Variants in GBF1 observed in about 807,000 individuals in gnomAD.
The protein encoded by GBF1 is Golgi-specific brefeldin A-resistance guanine nucleotide exchange factor 1.
In GBF1, 114 loss-of-function variants were observed where a neutral mutation model predicts 210.5. The observed-to-expected ratio is 0.54, with a 90% CI of 0.47 to 0.63. The LOEUF is 0.63. GBF1 is among the 30% of genes least tolerant of loss of function. The pLI, the probability that GBF1 is intolerant of heterozygous loss-of-function variation, is 0.00. For synonymous variants in GBF1, 850 were observed against 889.2 expected (o/e 0.96, Z 0.78); for missense variants, 1,851 against 2,357.7 (o/e 0.79, Z 4.45).
At chr10:102,351,592 TTAAA>T (rs66488513) in intron 5 of GBF1, among the ~76,000 whole-genome samples, 3,923 of 152,314 alleles carry the variant, frequency 0.026, 85 homozygotes, top group Non-Finnish European at 0.04. Flanking sequence ...ACCAGAAGCC[TTAAA>T]TACACTTGTA....
intron 11 of GBF1, among the ~76,000 whole-genome samples, 179 bp downstream of exon 11, chr10:102,359,614 C>G (rs1338881132): frequency 6.6e-6 from 1 of 152,006 alleles, no homozygotes; most frequent in East Asian, 1.9e-4. Flanking sequence ...GGAGCCCTTC[C>G]CTAACTTATA....
intron 1 of GBF1, among the ~76,000 whole-genome samples, chr10:102,246,663 C>T (rs1256826957): frequency 1.3e-5 from 2 of 152,152 alleles, no homozygotes; most frequent in African/African-American, 4.8e-5. Context: ...GGTCAGAGCC[C>T]CAGAGTGAAT....
At chr10:102,300,657 A>C (rs754837651) in intron 3 of GBF1, among the ~76,000 whole-genome samples, 13 of 152,306 alleles carry the variant, frequency 8.5e-5, no homozygotes, top group Middle Eastern at 3.4e-3. Flanking sequence ...GGAAAGGGGA[A>C]TGTTTGTGGT....
chr10:102,370,278 T>C (rs768799189), intron 27 of GBF1, 33 bp downstream of exon 27: 1 of 1,522,908 alleles, frequency 6.6e-7, no homozygotes, highest in Non-Finnish European at 9.1e-7. Context: ...ATGGAACAAC[T>C]GGCTGAATCT....
chr10:102,258,120 G>A (rs943289182), intron 1 of GBF1, among the ~76,000 whole-genome samples: 7 of 149,298 alleles, frequency 4.7e-5, no homozygotes, highest in South Asian at 4.3e-4. Flanking sequence ...CATAACATAA[G>A]ATGGACTTCA....
At chr10:102,332,331 T>C (rs1345184963) in intron 3 of GBF1, among the ~76,000 whole-genome samples, 4 of 152,102 alleles carry the variant, frequency 2.6e-5, no homozygotes, top group Non-Finnish European at 5.9e-5. Context: ...TGATCTGTGG[T>C]TGATCGTGTA....
rs977795916 is a variant in GBF1, at chr10:102,382,613, G to A, written c.*277G>A. 4 of 405,228 alleles carry A rather than the reference G, an allele frequency of 9.9e-6. No individual in the cohort carries two copies. The highest frequency in any genetic ancestry group is 1.8e-5 in the Non-Finnish European group (4 of 227,530). 25.1% of individuals were successfully genotyped at this position (405,228 alleles called of 1,614,324 possible). A position where few individuals can be genotyped will look rare whatever the true frequency, so the allele number is the denominator to read the frequency against. ...CCTCTGCCTCCAGCCCGGCAGCTCT[G>A]GGGAGGCATCCGTGTGCCGGCCCTG... is the stretch of plus-strand genomic sequence containing the variant. On this transcript the variant is annotated 3_prime_UTR_variant, in exon 40 of 40. Coordinates refer to ENST00000369983, the MANE Select transcript of GBF1 (RefSeq NM_001377137.1).
At chr10:102,257,122 G>C (rs1405823628) in intron 1 of GBF1, among the ~76,000 whole-genome samples, 1 of 152,104 alleles carries the variant, frequency 6.6e-6, no homozygotes, top group Non-Finnish European at 1.5e-5. Context: ...CCTTCTCTAG[G>C]AATAATTATG....
intron 3 of GBF1, among the ~76,000 whole-genome samples, chr10:102,287,339 A>ATTTTT (rs1565062394): frequency 4.6e-5 from 3 of 65,206 alleles, no homozygotes; most frequent in South Asian, 4.7e-4. Context: ...CTTTTATTTT[A>ATTTTT]TTTTCTTTTT....
intron 3 of GBF1, among the ~76,000 whole-genome samples, chr10:102,335,739 T>A (rs964822725): frequency 2.0e-5 from 3 of 152,010 alleles, no homozygotes; most frequent in Non-Finnish European, 4.4e-5. Context: ...TTATGAAGAG[T>A]GAAGGTATGT....
intron 3 of GBF1, among the ~76,000 whole-genome samples, chr10:102,269,922 C>T (rs1002610038): frequency 6.6e-5 from 10 of 151,352 alleles, no homozygotes; most frequent in Admixed American, 2.0e-4. Context: ...TCTGTCACCG[C>T]GGCTAGAGTG....
chr10:102,334,619 C>T (rs1036771187), intron 3 of GBF1, among the ~76,000 whole-genome samples: 7 of 152,076 alleles, frequency 4.6e-5, no homozygotes, highest in African/African-American at 7.2e-5. Flanking sequence ...GAGGCCGAGG[C>T]GGGCACATCA....
chr10:102,381,208 C>G lies in GBF1; in HGVS notation c.5255C>G (p.Pro1752Arg), dbSNP rs2060824299. Residue 1752 changes from proline (P) to arginine (R), a missense_variant, in exon 39 of 40, where the codon CCT (proline) becomes CGT (arginine). Transcript: ENST00000369983. Reference sequence around the variant, plus strand: ...TCCGCTGCTGGCGACACTAGGACACCTGGCCATCCACCGCCCCCAGAGATT... The same window carrying G: ...TCCGCTGCTGGCGACACTAGGACACGTGGCCATCCACCGCCCCCAGAGATT... ...LTSAAGDTRTPGHPPPPEIPS... is the reference protein window; with the variant it reads ...LTSAAGDTRTRGHPPPPEIPS... 3 of 1,613,910 alleles carry G rather than the reference C, an allele frequency of 1.9e-6. No individual in the cohort carries two copies. In the African/African-American group the frequency reaches 4.0e-5, roughly 22 times the overall value.
At position 102,323,575 on chromosome 10, in the gene GBF1, CTT is replaced by C. The variant is rs552692343; in HGVS notation, c.164-20462_164-20461del. Reference sequence around the variant, plus strand: ...AGCATGTTTGCACTTTTTTTTCTGTCTTTTTTTTTTTTTTTCCTTTATGTGGA... The same window carrying C: ...AGCATGTTTGCACTTTTTTTTCTGTCTTTTTTTTTTTTTCCTTTATGTGGA... On this transcript the variant is annotated intron_variant, in intron 3 of 39. Transcript: ENST00000369983. Among the ~76,000 whole-genome samples, 391 of 139,318 alleles carry C rather than the reference CTT, an allele frequency of 2.8e-3. 2 individuals carry two copies. The highest frequency in any genetic ancestry group is 9.6e-3 in the African/African-American group (369 of 38,278). 91.4% of individuals were successfully genotyped at this position (139,318 alleles called of 152,430 possible).
intron 3 of GBF1, among the ~76,000 whole-genome samples, chr10:102,261,004 A>C (rs1000321056): frequency 9.9e-5 from 15 of 152,072 alleles, no homozygotes; most frequent in African/African-American, 3.6e-4. Context: ...TTATTACCTT[A>C]TTGAACTTTT....
rs1255088855 is a variant in GBF1 at position 102,366,238 on chromosome 10, G to A, written c.2310-145G>A. On this transcript the variant is annotated intron_variant, in intron 18 of 39. Coordinates refer to ENST00000369983, the MANE Select transcript of GBF1 (RefSeq NM_001377137.1). This position sits in a 1 kb window ranked among gnomAD's most constrained non-coding sequence, Gnocchi z 4.0. Reference sequence around the variant, plus strand: ...AGTATTAAGGCTAGGGGTTGTGTTAGGGATGAACAGGAGATACTGCCCCTT... The same window carrying A: ...AGTATTAAGGCTAGGGGTTGTGTTAAGGATGAACAGGAGATACTGCCCCTT... The A allele has an allele frequency of 4.0e-6, 3 of 746,518 alleles. No individual in the cohort carries two copies. Among genetic ancestry groups the A allele is most frequent in the African/African-American group, 3.5e-5 (2 of 57,178 alleles). 46.2% of individuals were successfully genotyped at this position (746,518 alleles called of 1,614,324 possible).
intron 3 of GBF1, among the ~76,000 whole-genome samples, chr10:102,292,190 C>T (rs2133677492): frequency 6.6e-6 from 1 of 151,808 alleles, no homozygotes; most frequent in South Asian, 2.1e-4. Flanking sequence ...TGCCCGGCCC[C>T]TAGAACTTTT....
rs968352644 is a variant in GBF1, at chr10:102,363,510, C to T, written c.2017+114C>T. The T allele has an allele frequency of 1.1e-5, 11 of 1,025,398 alleles. No individual in the cohort carries two copies. The highest frequency in any genetic ancestry group is 4.8e-5 in the African/African-American group (3 of 62,454). The allele number at this position is 1,025,398 out of a possible 1,614,324, so 63.5% of individuals were successfully genotyped here. On this transcript the variant is annotated intron_variant, in intron 16 of 39. Transcript: ENST00000369983. The surrounding 1 kb of genome is among the most constrained non-coding windows in gnomAD (Gnocchi z 4.2). ...CTAAGCAAGCCTTGGTAGCCCGCCT[C>T]GCCTTCAGACTCAGAGAGAGGGAAG...
intron 29 of GBF1, 67 bp from the exon 30 acceptor site, chr10:102,375,292 C>G: frequency 1.1e-6 from 1 of 935,204 alleles, no homozygotes; most frequent in Non-Finnish European, 1.8e-6. Context: ...GGAAAGAAAA[C>G]TAGACAGGAA....
Sources: gnomAD v4.1 joint callset for allele counts (sites outside exome capture counted in the v4.1 genomes callset) on GRCh38, gnomAD v4.1.1 for gene constraint, Gnocchi (gnomAD v3.1) non-coding constraint, MANE v1.5 for transcripts, NCBI Gene and HGNC (gene_info 2026-07-23, HGNC 2026-07-21) for gene names.